Variants in ZNF112 observed in about 807,000 individuals in gnomAD.
ZNF112 encodes zinc finger protein 112, also known as zinc finger protein 112 (Y14).
Under a neutral mutation model 77.7 loss-of-function variants are expected in ZNF112, and 37 were observed. The ratio of observed to expected loss-of-function variants is 0.48; its 90% confidence interval spans 0.37 to 0.63. The LOEUF (loss-of-function observed/expected upper bound fraction) is 0.63, where lower values mean the gene tolerates loss of function less well. Among genes scored for constraint, ZNF112 ranks in the 20% least tolerant of loss-of-function variants. The probability of loss-of-function intolerance (pLI) is 0.00; values close to 1 mark genes in which losing one functional copy is unlikely to be tolerated. For missense variants in ZNF112, 950 were observed against 1,077.4 expected, an observed-to-expected ratio of 0.88 and a Z score of 1.66; for synonymous variants, 333 against 363.6, an observed-to-expected ratio of 0.92 and a Z score of 0.96.
intron 3 of ZNF112, among the ~76,000 whole-genome samples, chr19:44,331,134 TAC>T (rs1188207652): frequency 6.6e-6 from 1 of 152,180 alleles, no homozygotes; most frequent in Admixed American, 6.5e-5. Flanking sequence ...TGTAGGCCAT[TAC>T]AGATTTTAAC....
chr19:44,328,307 T>C lies in ZNF112; in HGVS notation c.1850A>G (p.His617Arg). ...ECGKGFSRSS[H>R]LQGHQRVHTG... ...GTGGACTCTCTGATGGCCTTGAAGG[T>C]GTGAACTCCGACTGAAGCCCTTCCC... The change falls in exon 4 of 4, where the codon CAC becomes CGC. Residue 617 changes from histidine to arginine, a missense_variant. His to Arg is a conservative substitution (Grantham distance 29). Transcript: ENST00000354340. The C allele has an allele frequency of 1.2e-6, 2 of 1,613,796 alleles. No individual in the cohort carries two copies. The highest frequency in any genetic ancestry group is 1.7e-6 in the Non-Finnish European group (2 of 1,179,912).
At chr19:44,366,378 C>A (rs1386835502) in intron 1 of ZNF112, among the ~76,000 whole-genome samples, 1 of 151,970 alleles carries the variant, frequency 6.6e-6, no homozygotes, top group African/African-American at 2.4e-5. Flanking sequence ...CTCCTTCCCA[C>A]CCTCCCTCCT....
intron 1 of ZNF112, among the ~76,000 whole-genome samples, chr19:44,366,827 CACTT>C (rs987960152): frequency 1.3e-5 from 2 of 152,102 alleles, no homozygotes; most frequent in African/African-American, 4.8e-5. Flanking sequence ...AAATGAACCA[CACTT>C]ACCACCTTTT....
intron 1 of ZNF112, among the ~76,000 whole-genome samples, chr19:44,365,022 C>G (rs1358769078): frequency 6.6e-6 from 1 of 151,800 alleles, no homozygotes; most frequent in Non-Finnish European, 1.5e-5. Context: ...GTTCCCTTCC[C>G]TTTTCGTTTC....
chr19:44,362,707 G>A (rs960926570), intron 1 of ZNF112, among the ~76,000 whole-genome samples: 4 of 151,994 alleles, frequency 2.6e-5, no homozygotes, highest in Non-Finnish European at 5.9e-5. Context: ...ATTTGAATAG[G>A]AGAATGTTTG....
rs1393371616 is a variant in ZNF112 at position 44,338,135 on chromosome 19, G to A, written c.125-1417C>T. On this transcript the variant is annotated intron_variant, in intron 2 of 3. Coordinates refer to ENST00000354340, the MANE Select transcript of ZNF112 (RefSeq NM_013380.4). ...GCCAGCTTAAAGAGGCCAAACTTGG[G>A]ACAATTTTAACATCTAAAAAATTAC... is the stretch of plus-strand genomic sequence containing the variant. 4.6e-5 allele frequency among the ~76,000 whole-genome samples: 7 copies of A among 152,124 alleles called. No individual in the cohort carries two copies. In the South Asian group the frequency reaches 8.3e-4, roughly 18 times the overall value.
intron 2 of ZNF112, among the ~76,000 whole-genome samples, chr19:44,338,621 G>A (rs1970432076): frequency 6.6e-6 from 1 of 152,168 alleles, no homozygotes; most frequent in South Asian, 2.1e-4. Flanking sequence ...AAAAATAAGG[G>A]AAGAGGTGAT....
Position 44,328,543 on chromosome 19 carries a change from C to T in ZNF112, c.1614G>A (p.Gln538=). Residue 538 remains glutamine, a synonymous_variant, in exon 4 of 4, where the codon CAG becomes CAA. Coordinates refer to ENST00000354340, the MANE Select transcript of ZNF112 (RefSeq NM_013380.4). ...FNHRSVLNVH[Q]RVHTGEKPYK... ...AAGGTTTCTCTCCTGTGTGGACTCT[C>T]TGATGAACATTCAGAACTGATCTAT... The T allele has an allele frequency of 6.2e-7, 1 of 1,604,672 alleles. No homozygotes were observed. Among genetic ancestry groups the T allele is most frequent in the Non-Finnish European group, 8.5e-7 (1 of 1,173,762 alleles).
At position 44,342,821 on chromosome 19, in the gene ZNF112, A is replaced by C. The variant is rs571703632; in HGVS notation, c.-3-2279T>G. ...CAGAGCGAGACTCCATCTCAAAAAA[A>C]AAAAAGAAAAAGAAAAAGAAAAGGG... On this transcript the variant is annotated intron_variant, in intron 1 of 3. Coordinates refer to ENST00000354340, the MANE Select transcript of ZNF112 (RefSeq NM_013380.4). Among the ~76,000 whole-genome samples, 3 of 152,024 alleles carry C rather than the reference A, an allele frequency of 2.0e-5. No homozygotes were observed. In the East Asian group the frequency reaches 5.8e-4, roughly 29 times the overall value.
Position 44,355,705 on chromosome 19 carries a change from A to T in ZNF112, c.-4+921T>A, listed in dbSNP as rs180868741. Among the ~76,000 whole-genome samples, 9 of 152,338 alleles carry T rather than the reference A, an allele frequency of 5.9e-5. No individual in the cohort carries two copies. In the East Asian group the frequency reaches 1.5e-3, roughly 26 times the overall value. ...CAAAGGGCTCTTGTGAGGATTAAAG[A>T]TGTTAATTCATATCAAACTCTTAGA... On this transcript the variant is annotated intron_variant, in intron 1 of 3. Coordinates refer to ENST00000354340, the MANE Select transcript of ZNF112 (RefSeq NM_013380.4).
intron 3 of ZNF112, among the ~76,000 whole-genome samples, chr19:44,333,634 G>A (rs1182383774): frequency 6.6e-6 from 1 of 152,132 alleles, no homozygotes; most frequent in Non-Finnish European, 1.5e-5. Flanking sequence ...AGCACTTCCT[G>A]CCCTCTTTCT....
intron 1 of ZNF112, chr19:44,341,286 T>G: frequency 4.6e-6 from 2 of 438,754 alleles, no homozygotes; most frequent in Non-Finnish European, 9.1e-6. Flanking sequence ...ATATAATAAT[T>G]TGATCCAACT....
rs146859568 is a variant in ZNF112 at position 44,328,847 on chromosome 19, T to C, written c.1310A>G (p.Tyr437Cys). ...QHRVHMEENS[Y>C]NSEECGNGFS... ...GCCATTACCACACTCCTCAGAATTA[T>C]ATGAATTCTCTTCCATATGAACCCT... The change falls in exon 4 of 4, where the codon TAT becomes TGT. Residue 437 changes from tyrosine (Y) to cysteine (C), a missense_variant. Coordinates refer to ENST00000354340, the MANE Select transcript of ZNF112 (RefSeq NM_013380.4). 723 of 1,614,008 alleles carry C rather than the reference T, an allele frequency of 4.5e-4. 2 individuals carry two copies. In the African/African-American group the frequency reaches 7.8e-3, roughly 17 times the overall value.
At chr19:44,349,044 A>C (rs560123592) in intron 1 of ZNF112, among the ~76,000 whole-genome samples, 3 of 152,216 alleles carry the variant, frequency 2.0e-5, no homozygotes, top group African/African-American at 7.2e-5. Context: ...TTATTTTGTG[A>C]TGTGACAATT....
intron 1 of ZNF112, among the ~76,000 whole-genome samples, 178 bp from the exon 2 acceptor site, chr19:44,340,720 C>T (rs964637251): frequency 2.0e-5 from 3 of 152,174 alleles, no homozygotes; most frequent in Admixed American, 6.5e-5. Context: ...GAAAAGAAAT[C>T]CTTGCACTTT....
upstream of ZNF112, among the ~76,000 whole-genome samples, chr19:44,357,038 T>A (rs113061965): frequency 1.8e-3 from 280 of 152,336 alleles, 2 homozygotes; most frequent in African/African-American, 6.4e-3. Context: ...ACCCTGTGGA[T>A]CTTCTGGACA....
In ZNF112 at chr19:44,327,239, T is replaced by C. The variant is rs577639796; in HGVS notation, c.*194A>G. On this transcript the variant is annotated 3_prime_UTR_variant, in exon 4 of 4. Coordinates refer to ENST00000354340, the MANE Select transcript of ZNF112 (RefSeq NM_013380.4). ...CTCATATTTTATAAGCCTTAGCTCC[T>C]GTGCAATGACTGATGTTAAAGTTCT... is the stretch of plus-strand genomic sequence containing the variant. 4 of 544,908 alleles carry C rather than the reference T, an allele frequency of 7.3e-6. No individual in the cohort carries two copies. The highest frequency in any genetic ancestry group is 3.8e-5 in the African/African-American group (2 of 53,174). The allele number at this position is 544,908 out of a possible 1,614,324, so 33.8% of individuals were successfully genotyped here.
intron 1 of ZNF112, among the ~76,000 whole-genome samples, chr19:44,355,360 A>C (rs965873410): frequency 1.3e-5 from 2 of 152,136 alleles, no homozygotes; most frequent in African/African-American, 4.8e-5. Context: ...ATACTTTCTT[A>C]ATCTTTTACA....
At chr19:44,335,072 T>C (rs1028469646) in intron 3 of ZNF112, among the ~76,000 whole-genome samples, 21 of 152,218 alleles carry the variant, frequency 1.4e-4, no homozygotes, top group Non-Finnish European at 8.8e-5. Flanking sequence ...AAGTGGGCTA[T>C]ACCCTGCAGA....
Sources: allele counts gnomAD v4.1 joint callset (sites outside exome capture counted in the v4.1 genomes callset), GRCh38; gene constraint gnomAD v4.1.1; transcripts MANE v1.5; gene names NCBI Gene and HGNC (gene_info 2026-07-23, HGNC 2026-07-21).